The following AGMO variants were observed in gnomAD, a reference collection of about 807,000 sequenced individuals.
AGMO encodes the protein alkylglycerol monooxygenase.
In AGMO, 75 loss-of-function variants were observed where a neutral mutation model predicts 60.2. The ratio of observed to expected loss-of-function variants is 1.25; its 90% CI spans 1.03 to 1.51. AGMO has a LOEUF of 1.51. Among genes scored for constraint, AGMO ranks in the 40% most tolerant of loss-of-function variants. The pLI, the probability that AGMO is intolerant of heterozygous loss-of-function variation, is 0.00. For synonymous variants in AGMO, 261 were observed against 177.1 expected (o/e 1.47, Z -3.76); for missense variants, 763 against 525.5 (o/e 1.45, Z -4.42).
chr7:15,403,030 A>G (rs1043461101), intron 5 of AGMO, among the ~76,000 whole-genome samples: 26 of 152,058 alleles, frequency 1.7e-4, no homozygotes, highest in African/African-American at 6.3e-4. Context: ...GATTTTACAA[A>G]CAAGTTACCT....
chr7:15,273,812 T>C (rs1205109455), intron 12 of AGMO, among the ~76,000 whole-genome samples: 2 of 152,218 alleles, frequency 1.3e-5, no homozygotes, highest in Non-Finnish European at 2.9e-5. Flanking sequence ...CAGTGGTTTG[T>C]AGTTCTCTTT....
At chr7:15,417,726 G>C (rs914340358) in intron 5 of AGMO, among the ~76,000 whole-genome samples, 1 of 152,118 alleles carries the variant, frequency 6.6e-6, no homozygotes, top group Admixed American at 6.6e-5. Context: ...AATACTGCAG[G>C]TTAATGGAAT....
chr7:15,459,076 T>C (rs534624628), intron 3 of AGMO, among the ~76,000 whole-genome samples: 1 of 152,216 alleles, frequency 6.6e-6, no homozygotes, highest in South Asian at 2.1e-4. Flanking sequence ...ACAAATGTCC[T>C]ATTTTAAACT....
At chr7:15,146,951 T>C in the AGMO span, among the ~76,000 whole-genome samples, 2 of 152,350 alleles carry the variant, frequency 1.3e-5, no homozygotes, top group South Asian at 4.1e-4. Context: ...ATGTATTTTT[T>C]ATAACCACTT....
the AGMO span, among the ~76,000 whole-genome samples, chr7:15,136,047 G>T: frequency 2.8e-5 from 4 of 143,706 alleles, no homozygotes; most frequent in East Asian, 8.3e-4. Context: ...AGGCTGGAGT[G>T]CAATGGTGTG....
intron 3 of AGMO, among the ~76,000 whole-genome samples, chr7:15,524,324 T>C (rs1487191247): frequency 6.6e-6 from 1 of 152,154 alleles, no homozygotes; most frequent in African/African-American, 2.4e-5. Context: ...ATAGATTTTT[T>C]AAAATCATGA....
chr7:15,221,510 T>C (rs1781921633), intron 12 of AGMO, among the ~76,000 whole-genome samples: 1 of 152,142 alleles, frequency 6.6e-6, no homozygotes, highest in South Asian at 2.1e-4. Flanking sequence ...ACTATAGACG[T>C]AATCCCCTTT....
the AGMO span, among the ~76,000 whole-genome samples, chr7:15,178,024 G>A: frequency 6.6e-6 from 1 of 151,988 alleles, no homozygotes; most frequent in Non-Finnish European, 1.5e-5. Context: ...TTCGTTTTAT[G>A]TACTCCACTC....
intron 3 of AGMO, among the ~76,000 whole-genome samples, chr7:15,508,307 T>C (rs1783575223): frequency 6.6e-6 from 1 of 152,166 alleles, no homozygotes; most frequent in Admixed American, 6.6e-5. Context: ...TTGCATTGTC[T>C]GGGATGTAGT....
chr7:15,381,138 G>A (rs1256589536), intron 10 of AGMO, among the ~76,000 whole-genome samples: 1 of 151,998 alleles, frequency 6.6e-6, no homozygotes, highest in East Asian at 1.9e-4. Flanking sequence ...TCATGATGAA[G>A]ACGCCAAAAA....
At chr7:15,269,894 G>A (rs1445228591) in intron 12 of AGMO, among the ~76,000 whole-genome samples, 1 of 151,998 alleles carries the variant, frequency 6.6e-6, no homozygotes, top group African/African-American at 2.4e-5. Flanking sequence ...ATCTCACTAA[G>A]GATAAGGGCC....
intron 12 of AGMO, among the ~76,000 whole-genome samples, chr7:15,323,862 C>G (rs1426422694): frequency 1.3e-5 from 2 of 152,156 alleles, no homozygotes; most frequent in African/African-American, 4.8e-5. Context: ...ATCTGTGTTT[C>G]TTTGCTTTCA....
chr7:15,397,441 A>T (rs866551103), intron 5 of AGMO, among the ~76,000 whole-genome samples: 21 of 152,196 alleles, frequency 1.4e-4, no homozygotes, highest in Middle Eastern at 3.4e-3. Flanking sequence ...CCAGCCCCAC[A>T]GAGGGCCCCC....
At chr7:15,490,388 T>C (rs1186679335) in intron 3 of AGMO, among the ~76,000 whole-genome samples, 1 of 151,886 alleles carries the variant, frequency 6.6e-6, no homozygotes, top group Non-Finnish European at 1.5e-5. Flanking sequence ...TTATAGTAGT[T>C]GCATAAAGTA....
intron 3 of AGMO, among the ~76,000 whole-genome samples, chr7:15,433,441 AAAAG>A (rs1419722730): frequency 6.6e-6 from 1 of 152,130 alleles, no homozygotes; most frequent in East Asian, 1.9e-4. Flanking sequence ...TGGTAAAAAA[AAAAG>A]AAGGAATACT....
chr7:15,395,694 A>C, intron 5 of AGMO, among the ~76,000 whole-genome samples: 1 of 152,310 alleles, frequency 6.6e-6, no homozygotes, highest in Admixed American at 6.5e-5. Context: ...TGTTATTCTA[A>C]TTTTATGAAT....
intron 12 of AGMO, among the ~76,000 whole-genome samples, chr7:15,245,524 C>T (rs975497937): frequency 1.3e-5 from 2 of 152,112 alleles, no homozygotes; most frequent in Non-Finnish European, 2.9e-5. Context: ...GCAAGGCAAT[C>T]TGCAACCCAA....
intron 3 of AGMO, among the ~76,000 whole-genome samples, chr7:15,479,368 A>G (rs973140049): frequency 2.6e-5 from 4 of 152,190 alleles, no homozygotes; most frequent in African/African-American, 7.2e-5. Context: ...CTTAGAAATG[A>G]AAAGATCTTA....
At chr7:15,528,271 T>G (rs2128539391) in intron 3 of AGMO, among the ~76,000 whole-genome samples, 1 of 152,214 alleles carries the variant, frequency 6.6e-6, no homozygotes, top group East Asian at 1.9e-4. Flanking sequence ...GCACACTTAG[T>G]AAACGACAGT....
Sources: allele counts gnomAD v4.1 joint callset (sites outside exome capture counted in the v4.1 genomes callset), GRCh38; gene constraint gnomAD v4.1.1; transcripts MANE v1.5; gene names NCBI Gene and HGNC (gene_info 2026-07-23, HGNC 2026-07-21).